Variants in URI1 observed in about 807,000 individuals in gnomAD.
The protein encoded by URI1 is unconventional prefoldin RPB5 interactor 1.
Under a neutral mutation model 60.2 loss-of-function variants are expected in URI1, and 39 were observed. That is an observed-to-expected ratio of 0.65 (90% CI 0.50 to 0.85). The LOEUF is 0.85. URI1 is among the 40% of genes least tolerant of loss of function. The probability of loss-of-function intolerance (pLI) is 0.00; values close to 1 mark genes in which losing one functional copy is unlikely to be tolerated. For synonymous variants in URI1, 251 were observed against 236.8 expected (o/e 1.06, Z -0.55); for missense variants, 691 against 665.9 (o/e 1.04, Z -0.42).
At chr19:29,988,789 T>C (rs191102882) in intron 4 of URI1, among the ~76,000 whole-genome samples, 1 of 152,348 alleles carries the variant, frequency 6.6e-6, no homozygotes, top group African/African-American at 2.4e-5. Context: ...TTATTGCTGT[T>C]GGTAAATACC....
intron 1 of URI1, among the ~76,000 whole-genome samples, chr19:29,952,355 G>A (rs1049921453): frequency 7.9e-5 from 12 of 152,174 alleles, no homozygotes; most frequent in African/African-American, 2.7e-4. Flanking sequence ...AGTCTTTCCT[G>A]TTGAATGACT....
chr19:29,978,027 T>A (rs1412895726), intron 2 of URI1, among the ~76,000 whole-genome samples: 1 of 152,184 alleles, frequency 6.6e-6, no homozygotes, highest in East Asian at 1.9e-4. Flanking sequence ...GCTTCTTAAT[T>A]CTGTATGTGT....
chr19:29,961,402 A>T (rs760572747), intron 1 of URI1, among the ~76,000 whole-genome samples: 1 of 152,018 alleles, frequency 6.6e-6, no homozygotes, highest in African/African-American at 2.4e-5. Flanking sequence ...AAGTGGAATC[A>T]TAGAGTATTT....
At chr19:29,938,266 C>T (rs991817591), upstream of URI1, among the ~76,000 whole-genome samples, 1 of 152,122 alleles carries the variant, frequency 6.6e-6, no homozygotes, top group African/African-American at 2.4e-5. Flanking sequence ...CCTCAGGAAG[C>T]TTCCAATCAT....
At chr19:29,954,723 C>G (rs990481415) in intron 1 of URI1, among the ~76,000 whole-genome samples, 98 of 151,952 alleles carry the variant, frequency 6.4e-4, no homozygotes, top group African/African-American at 2.3e-3. Context: ...TGACCATGTT[C>G]GCCAGGGTGG....
At chr19:29,999,011 C>T (rs1192080085) in intron 4 of URI1, among the ~76,000 whole-genome samples, 1 of 151,888 alleles carries the variant, frequency 6.6e-6, no homozygotes, top group Non-Finnish European at 1.5e-5. Flanking sequence ...CATAGAACAT[C>T]CTAAGGTTAT....
At chr19:29,959,164 C>T (rs988064383) in intron 1 of URI1, among the ~76,000 whole-genome samples, 2 of 152,138 alleles carry the variant, frequency 1.3e-5, no homozygotes, top group African/African-American at 4.8e-5. Context: ...ATCTCGCTCT[C>T]ATCCAGGCTG....
intron 4 of URI1, among the ~76,000 whole-genome samples, chr19:29,989,493 A>G (rs2055717463): frequency 6.6e-6 from 1 of 151,400 alleles, no homozygotes; most frequent in Non-Finnish European, 1.5e-5. Context: ...GCGCGATGTC[A>G]GTTCATCGCA....
chr19:29,972,519 A>G (rs2055472324), intron 2 of URI1, among the ~76,000 whole-genome samples: 1 of 152,144 alleles, frequency 6.6e-6, no homozygotes, highest in Non-Finnish European at 1.5e-5. Flanking sequence ...GAAATTAGAA[A>G]GGTATTCACT....
intron 4 of URI1, among the ~76,000 whole-genome samples, chr19:30,000,172 G>A (rs1179339138): frequency 6.6e-6 from 1 of 151,762 alleles, no homozygotes; most frequent in East Asian, 1.9e-4. Context: ...GCTTTTAGTT[G>A]AATTTAACTG....
intron 1 of URI1, among the ~76,000 whole-genome samples, chr19:29,926,717 C>T (rs1286845778): frequency 1.3e-5 from 2 of 152,202 alleles, no homozygotes; most frequent in Admixed American, 6.5e-5. Context: ...ATGTGTGAAA[C>T]GACCTATACA....
In URI1 at chr19:30,009,254, C is replaced by T. The variant is rs1260366549; in HGVS notation, c.936C>T (p.Asn312=). 6.2e-7 allele frequency: 1 copy of T among 1,613,606 alleles called. No homozygotes were observed. Among genetic ancestry groups the T allele is most frequent in the Non-Finnish European group, 8.5e-7 (1 of 1,179,818 alleles). ...DDDDDDDDDD[N]IDDDDGDNDH... Reference sequence around the variant, plus strand: ...ATGATGATGACGACGACGACGACAACATTGACGACGATGATGGTGATAACG... The same window carrying T: ...ATGATGATGACGACGACGACGACAATATTGACGACGATGATGGTGATAACG... The change falls in exon 8 of 11, where the codon AAC becomes AAT. Residue 312 remains asparagine, a synonymous_variant. Transcript: ENST00000392271.
chr19:29,991,493 T>C (rs777979800), intron 4 of URI1, among the ~76,000 whole-genome samples: 12 of 152,222 alleles, frequency 7.9e-5, no homozygotes, highest in Non-Finnish European at 1.2e-4. Context: ...TCTGAACTTT[T>C]TTGGGGTAGA....
intron 2 of URI1, among the ~76,000 whole-genome samples, chr19:29,976,207 T>G (rs993941746): frequency 1.3e-5 from 2 of 152,230 alleles, no homozygotes; most frequent in Non-Finnish European, 2.9e-5. Context: ...TACTGCTCCT[T>G]AGTAAAATTA....
intron 2 of URI1, among the ~76,000 whole-genome samples, chr19:29,980,877 A>C (rs2055587834): frequency 7.0e-6 from 1 of 143,688 alleles, no homozygotes; most frequent in South Asian, 2.2e-4. Flanking sequence ...AGCCGAGATC[A>C]CGCCACGGCA....
Position 30,015,006 on chromosome 19 carries a change from A to T in URI1, c.1545A>T (p.Ala515=), listed in dbSNP as rs755989839. 1 of 1,613,864 alleles carries T rather than the reference A, an allele frequency of 6.2e-7. No homozygotes were observed. Among genetic ancestry groups the T allele is most frequent in the South Asian group, 1.1e-5 (1 of 91,062 alleles). ...IPERKEVLLE[A]SEETGKRVSK... ...AACGAAAGGAAGTTCTGTTGGAAGCATCTGAAGAAACTGGAAAGAGGGTTT... is the reference window on the plus strand; with the variant it reads ...AACGAAAGGAAGTTCTGTTGGAAGCTTCTGAAGAAACTGGAAAGAGGGTTT... The change falls in exon 11 of 11, where the codon GCA becomes GCT. Residue 515 remains alanine (A), a synonymous_variant. Transcript: ENST00000392271.
intron 1 of URI1, among the ~76,000 whole-genome samples, chr19:29,944,266 GAAGA>G (rs919846390): frequency 9.2e-5 from 13 of 141,480 alleles, no homozygotes; most frequent in Non-Finnish European, 1.5e-4. Context: ...GATAGAAAAA[GAAGA>G]AAGAAAAAAC....
At chr19:29,977,373 G>A (rs1357699249) in intron 2 of URI1, among the ~76,000 whole-genome samples, 1 of 151,694 alleles carries the variant, frequency 6.6e-6, no homozygotes, top group Admixed American at 6.6e-5. Context: ...ATTTTATTAT[G>A]TATAATATGT....
At chr19:29,974,134 A>G (rs2055492038) in intron 2 of URI1, among the ~76,000 whole-genome samples, 2 of 152,188 alleles carry the variant, frequency 1.3e-5, no homozygotes, top group African/African-American at 4.8e-5. Context: ...TTGAACAATT[A>G]TGCTCAGAGT....
Sources: gnomAD v4.1 joint callset for allele counts (sites outside exome capture counted in the v4.1 genomes callset) on GRCh38, gnomAD v4.1.1 for gene constraint, MANE v1.5 for transcripts, NCBI Gene and HGNC (gene_info 2026-07-23, HGNC 2026-07-21) for gene names.